SCFD2: variants seen among roughly 807,000 people sequenced by gnomAD.
SCFD2 encodes sec1 family domain containing 2, also known as sec1 family domain-containing protein 2.
In SCFD2, 54 loss-of-function variants were observed where a neutral mutation model predicts 58.9. The observed-to-expected ratio is 0.92, with a 90% CI of 0.74 to 1.15. The LOEUF (loss-of-function observed/expected upper bound fraction) is 1.15, where lower values mean the gene tolerates loss of function less well. Among genes scored for constraint, SCFD2 ranks in the 50% most tolerant of loss-of-function variants. The probability of loss-of-function intolerance (pLI) is 0.00; values close to 1 mark genes in which losing one functional copy is unlikely to be tolerated. For synonymous variants in SCFD2, 321 were observed against 335.9 expected, an observed-to-expected ratio of 0.96 and a Z score of 0.49; for missense variants, 805 against 836.6, an observed-to-expected ratio of 0.96 and a Z score of 0.47.
In SCFD2 at chr4:53,126,991, C is replaced by CA. The variant is rs373305540; in HGVS notation, c.1561+18341dup. On this transcript the variant is annotated intron_variant, in intron 5 of 8. Coordinates refer to ENST00000401642, the MANE Select transcript of SCFD2 (RefSeq NM_152540.4). The stretch of plus-strand genomic sequence containing the variant: ...CTGACCGGAAAACAAGATGTGGGGA[C>CA]AAAAGGAAAGAAGAGAAAAGCAATA... Among the ~76,000 whole-genome samples the CA allele has an allele frequency of 2.2e-3, 333 of 151,160 alleles. 12 individuals carry two copies. The South Asian group carries it at 0.047, about 21-fold the overall frequency.
chr4:52,883,974 G>A (rs748095621), intron 8 of SCFD2, among the ~76,000 whole-genome samples: 11 of 152,098 alleles, frequency 7.2e-5, no homozygotes, highest in South Asian at 6.2e-4. Flanking sequence ...GACCAGCAGG[G>A]ACCAGACCTT....
At chr4:52,983,704 A>G (rs1360537932) in intron 5 of SCFD2, among the ~76,000 whole-genome samples, 1 of 152,172 alleles carries the variant, frequency 6.6e-6, no homozygotes, top group African/African-American at 2.4e-5. Context: ...AGAACCTAAC[A>G]ATTCCCATGT....
At chr4:52,999,634 G>C (rs1721820569) in intron 5 of SCFD2, among the ~76,000 whole-genome samples, 1 of 152,160 alleles carries the variant, frequency 6.6e-6, no homozygotes, top group Non-Finnish European at 1.5e-5. Flanking sequence ...TGTGCGAAGG[G>C]TCATGTTTCC....
At chr4:53,345,108 T>C (rs770303962) in intron 2 of SCFD2, among the ~76,000 whole-genome samples, 2 of 152,144 alleles carry the variant, frequency 1.3e-5, no homozygotes, top group Non-Finnish European at 2.9e-5. Flanking sequence ...TGGAATCTAC[T>C]TAAACTAAAG....
At chr4:53,306,414 A>C (rs1421086995) in intron 3 of SCFD2, among the ~76,000 whole-genome samples, 1 of 152,220 alleles carries the variant, frequency 6.6e-6, no homozygotes, top group Non-Finnish European at 1.5e-5. Context: ...CCAACAAAGA[A>C]GACGTGATCA....
chr4:53,000,018 T>A (rs1721830072), intron 5 of SCFD2, among the ~76,000 whole-genome samples: 1 of 152,200 alleles, frequency 6.6e-6, no homozygotes, highest in South Asian at 2.1e-4. Flanking sequence ...TCAGGGACTG[T>A]ATTTTCTTAA....
intron 5 of SCFD2, among the ~76,000 whole-genome samples, chr4:52,978,242 G>C (rs1187471361): frequency 6.6e-6 from 1 of 152,124 alleles, no homozygotes; most frequent in Non-Finnish European, 1.5e-5. Context: ...GAGAAGCTGT[G>C]AACACAGAAA....
intron 5 of SCFD2, among the ~76,000 whole-genome samples, chr4:53,049,845 T>C (rs557662921): frequency 2.0e-5 from 3 of 152,272 alleles, no homozygotes; most frequent in East Asian, 3.9e-4. Flanking sequence ...GGAGGGGTTA[T>C]AGGTCATTTT....
chr4:53,238,092 G>A (rs1166692635), intron 4 of SCFD2, among the ~76,000 whole-genome samples: 2 of 128,156 alleles, frequency 1.6e-5, no homozygotes, highest in South Asian at 2.6e-4. Context: ...GCGGCTGGCC[G>A]GGCAGAGGGG....
At chr4:52,922,143 T>C (rs1231256562) in intron 5 of SCFD2, among the ~76,000 whole-genome samples, 2 of 152,208 alleles carry the variant, frequency 1.3e-5, no homozygotes, top group East Asian at 1.9e-4. Flanking sequence ...CTCAAGATAG[T>C]AGTGATTTGA....
intron 3 of SCFD2, among the ~76,000 whole-genome samples, chr4:53,301,449 C>G (rs1732289790): frequency 6.6e-6 from 1 of 151,622 alleles, no homozygotes; most frequent in South Asian, 2.1e-4. Context: ...GAAATTGAGG[C>G]AATAATTAAT....
At chr4:53,063,087 C>A (rs1723559825) in intron 5 of SCFD2, among the ~76,000 whole-genome samples, 1 of 151,996 alleles carries the variant, frequency 6.6e-6, no homozygotes, top group African/African-American at 2.4e-5. Flanking sequence ...TTTAAAATAC[C>A]TAAGACAAGG....
intron 7 of SCFD2, among the ~76,000 whole-genome samples, chr4:52,904,971 C>A (rs1478841060): frequency 2.0e-5 from 3 of 152,172 alleles, no homozygotes; most frequent in Admixed American, 2.0e-4. Context: ...ATGATAGGAC[C>A]TACATTCTAA....
intron 3 of SCFD2, among the ~76,000 whole-genome samples, chr4:53,278,063 C>CAA (rs1003114289): frequency 1.5e-5 from 2 of 136,038 alleles, no homozygotes; most frequent in Non-Finnish European, 1.6e-5. Flanking sequence ...AAACAAAAAA[C>CAA]AAAAAAAAAA....
intron 4 of SCFD2, among the ~76,000 whole-genome samples, chr4:53,149,004 T>A (rs7659856): frequency 0.97 from 147,890 of 151,830 alleles, 72,142 homozygotes; most frequent in Middle Eastern, 1. Flanking sequence ...TCTAAAAAAA[T>A]TTTTTTTTAA....
At chr4:52,902,413 C>A (rs1719225959) in intron 7 of SCFD2, among the ~76,000 whole-genome samples, 1 of 152,194 alleles carries the variant, frequency 6.6e-6, no homozygotes, top group Non-Finnish European at 1.5e-5. Flanking sequence ...GTCTTTCTGA[C>A]AAGAGCAAAT....
chr4:53,291,933 A>G (rs1470508559), intron 3 of SCFD2, among the ~76,000 whole-genome samples: 3 of 152,220 alleles, frequency 2.0e-5, no homozygotes, highest in Admixed American at 6.5e-5. Context: ...CATATGCAGA[A>G]AATTGAAACC....
intron 4 of SCFD2, among the ~76,000 whole-genome samples, chr4:53,238,761 T>TG (rs1168872307): frequency 9.4e-5 from 12 of 127,890 alleles, no homozygotes; most frequent in African/African-American, 3.4e-4. Flanking sequence ...TCTCAGACGA[T>TG]GGGCGGCCGG....
intron 4 of SCFD2, among the ~76,000 whole-genome samples, chr4:53,249,005 C>A (rs1216010407): frequency 6.6e-6 from 1 of 152,136 alleles, no homozygotes. Context: ...TCAAACTACT[C>A]CGAGCTATGG....
Sources: allele counts gnomAD v4.1 joint callset (sites outside exome capture counted in the v4.1 genomes callset), GRCh38; gene constraint gnomAD v4.1.1; transcripts MANE v1.5; gene names NCBI Gene and HGNC (gene_info 2026-07-23, HGNC 2026-07-21).